The following NR6A1 variants were observed in gnomAD, a reference collection of about 807,000 sequenced individuals.
NR6A1 encodes the protein retinoic acid receptor-related testis-associated receptor.
Under a neutral mutation model 59.1 loss-of-function variants are expected in NR6A1, and 7 were observed. The ratio of observed to expected loss-of-function variants is 0.12; its 90% CI spans 0.07 to 0.22. The LOEUF (loss-of-function observed/expected upper bound fraction) is 0.22, where lower values mean the gene tolerates loss of function less well. NR6A1 is among the 10% of genes least tolerant of loss of function. NR6A1 has a pLI of 1.00. For missense variants in NR6A1, 468 were observed against 611.6 expected, an observed-to-expected ratio of 0.77 and a Z score of 2.48; for synonymous variants, 243 against 236.1, an observed-to-expected ratio of 1.03 and a Z score of -0.27.
At chr9:124,756,515 T>C (rs1039926499) in intron 1 of NR6A1, among the ~76,000 whole-genome samples, 7 of 152,228 alleles carry the variant, frequency 4.6e-5, no homozygotes, top group Non-Finnish European at 8.8e-5. Flanking sequence ...AATGTATAGA[T>C]AGCTGGATTC....
intron 1 of NR6A1, among the ~76,000 whole-genome samples, chr9:124,734,146 T>C (rs1839957147): frequency 7.9e-5 from 12 of 152,244 alleles, no homozygotes; most frequent in Admixed American, 7.9e-4. Context: ...AAGTTTTCTC[T>C]TGCCTCTTTC....
intron 2 of NR6A1, among the ~76,000 whole-genome samples, chr9:124,649,349 T>C (rs890282738): frequency 5.3e-5 from 8 of 151,978 alleles, no homozygotes; most frequent in Middle Eastern, 3.4e-3. Context: ...AGAACATTCA[T>C]TGGCAAAAGG....
chr9:124,613,985 C>T (rs921796687), intron 2 of NR6A1, among the ~76,000 whole-genome samples: 14 of 152,206 alleles, frequency 9.2e-5, no homozygotes, highest in African/African-American at 2.6e-4. Flanking sequence ...GGACCTCAGG[C>T]GGCCAAAGAC....
chr9:124,584,488 T>C (rs1564190068), intron 2 of NR6A1, among the ~76,000 whole-genome samples: 1 of 152,182 alleles, frequency 6.6e-6, no homozygotes, highest in Non-Finnish European at 1.5e-5. Flanking sequence ...TCCAAAAGCA[T>C]GTGCTCACTT....
intron 2 of NR6A1, among the ~76,000 whole-genome samples, chr9:124,589,808 T>C (rs1386960649): frequency 6.6e-6 from 1 of 152,100 alleles, no homozygotes; most frequent in Non-Finnish European, 1.5e-5. Context: ...GGCTCATGCC[T>C]GTAATCCCAC....
chr9:124,542,399 C>T (rs1487011281), intron 4 of NR6A1, among the ~76,000 whole-genome samples: 5 of 152,140 alleles, frequency 3.3e-5, no homozygotes, highest in Admixed American at 6.5e-5. Context: ...AAGACAACTC[C>T]GAACACCTTT....
At chr9:124,715,194 T>TC (rs1839380818) in intron 2 of NR6A1, among the ~76,000 whole-genome samples, 1 of 148,742 alleles carries the variant, frequency 6.7e-6, no homozygotes, top group Non-Finnish European at 1.5e-5. Context: ...GAGTGAGACT[T>TC]CGTCTCAGAA....
chr9:124,707,383 C>CACTA (rs1218476355), intron 2 of NR6A1, among the ~76,000 whole-genome samples: 1 of 152,082 alleles, frequency 6.6e-6, no homozygotes, highest in African/African-American at 2.4e-5. Context: ...TACTAGATCA[C>CACTA]TGTCATCACA....
intron 2 of NR6A1, among the ~76,000 whole-genome samples, chr9:124,686,844 C>T (rs1461147290): frequency 6.6e-6 from 1 of 151,956 alleles, no homozygotes; most frequent in Non-Finnish European, 1.5e-5. Context: ...GCTGGAGCCA[C>T]AGGCACACAC....
At chr9:124,675,848 T>C (rs1837939869) in intron 2 of NR6A1, among the ~76,000 whole-genome samples, 1 of 152,166 alleles carries the variant, frequency 6.6e-6, no homozygotes, top group Non-Finnish European at 1.5e-5. Flanking sequence ...AACATCTGGA[T>C]TTGCTCCTCT....
At chr9:124,545,566 C>T (rs565254591) in intron 3 of NR6A1, among the ~76,000 whole-genome samples, 1 of 152,290 alleles carries the variant, frequency 6.6e-6, no homozygotes, top group African/African-American at 2.4e-5. Flanking sequence ...AATCGCTTCT[C>T]TGCTGTTCCA....
intron 2 of NR6A1, among the ~76,000 whole-genome samples, chr9:124,668,976 T>A (rs898643382): frequency 6.6e-6 from 1 of 152,192 alleles, no homozygotes; most frequent in African/African-American, 2.4e-5. Context: ...TAAACATAAG[T>A]AGGGATCTCC....
intron 7 of NR6A1, among the ~76,000 whole-genome samples, chr9:124,534,853 G>A (rs922258743): frequency 5.9e-5 from 9 of 152,194 alleles, no homozygotes; most frequent in South Asian, 4.1e-4. Flanking sequence ...AGTCTAGACC[G>A]GGCGCAGTGG....
At chr9:124,656,318 A>T (rs924629782) in intron 2 of NR6A1, among the ~76,000 whole-genome samples, 2 of 152,070 alleles carry the variant, frequency 1.3e-5, no homozygotes, top group Non-Finnish European at 2.9e-5. Flanking sequence ...TTTATAAATT[A>T]CCCAGCCTCA....
intron 2 of NR6A1, among the ~76,000 whole-genome samples, chr9:124,677,287 C>G (rs192569274): frequency 1.4e-3 from 207 of 152,274 alleles, no homozygotes; most frequent in African/African-American, 4.3e-3. Flanking sequence ...GAGACAGAGT[C>G]TCACTTTGTC....
At chr9:124,712,317 G>C (rs1177272001) in intron 2 of NR6A1, among the ~76,000 whole-genome samples, 1 of 152,026 alleles carries the variant, frequency 6.6e-6, no homozygotes, top group Non-Finnish European at 1.5e-5. Context: ...AAAAATAAAA[G>C]TCTTCTGGAG....
chr9:124,709,480 C>T (rs1344363054), intron 2 of NR6A1, among the ~76,000 whole-genome samples: 1 of 152,042 alleles, frequency 6.6e-6, no homozygotes, highest in Non-Finnish European at 1.5e-5. Flanking sequence ...ATCATGGACA[C>T]AGAAGCGAGG....
chr9:124,529,943 G>C (rs1461786919), intron 7 of NR6A1, among the ~76,000 whole-genome samples: 1 of 152,188 alleles, frequency 6.6e-6, no homozygotes, highest in Non-Finnish European at 1.5e-5. Flanking sequence ...GCACAAAAAA[G>C]GAGGACACAA....
chr9:124,591,430 G>A (rs1215296014), intron 2 of NR6A1, among the ~76,000 whole-genome samples: 1 of 152,212 alleles, frequency 6.6e-6, no homozygotes, highest in African/African-American at 2.4e-5. Flanking sequence ...ACACCAGGAA[G>A]CCTGTAGCAA....
Sources: allele counts gnomAD v4.1 joint callset (sites outside exome capture counted in the v4.1 genomes callset), GRCh38; gene constraint gnomAD v4.1.1; transcripts MANE v1.5; gene names NCBI Gene and HGNC (gene_info 2026-07-23, HGNC 2026-07-21).